The following PLXNA2 variants were observed in gnomAD, a reference collection of about 807,000 sequenced individuals.
PLXNA2 encodes the protein plexin-A2.
PLXNA2 carries 91 observed loss-of-function variants against 193.5 expected under a neutral mutation model. That is an observed-to-expected ratio of 0.47 (90% CI 0.40 to 0.56). PLXNA2 has a LOEUF of 0.56. Ranked by LOEUF, PLXNA2 falls within the 20% of genes least tolerant of loss-of-function variation. The pLI is 0.00. For synonymous variants in PLXNA2, 997 were observed against 1,027.3 expected, an observed-to-expected ratio of 0.97 and a Z score of 0.56; for missense variants, 1,995 against 2,503.2, an observed-to-expected ratio of 0.80 and a Z score of 4.33.
rs557263373 is a variant in PLXNA2 at position 208,181,668 on chromosome 1, T to A, written c.1371+28612A>T. Among the ~76,000 whole-genome samples the A allele has an allele frequency of 6.6e-5, 10 of 152,192 alleles. No individual in the cohort carries two copies. In the East Asian group the frequency reaches 1.6e-3, roughly 24 times the overall value. ...AGTCAGAGAGGGGCTGGGAGGGGAA[T>A]CTCACCCCTGCTCTCTGGCAAAACC... is the stretch of plus-strand genomic sequence containing the variant. On this transcript the variant is annotated intron_variant, in intron 3 of 31. Transcript: ENST00000367033.
At chr1:208,039,378 A>G (rs1255498797) in intron 24 of PLXNA2, among the ~76,000 whole-genome samples, 31 of 151,360 alleles carry the variant, frequency 2.0e-4, no homozygotes, top group Admixed American at 2.0e-3. Context: ...CCCAATAACT[A>G]ATGATGGGTG....
chr1:208,210,542 C>T, intron 2 of PLXNA2, 80 bp from the exon 3 acceptor site: 3 of 1,303,626 alleles, frequency 2.3e-6, no homozygotes, highest in Admixed American at 4.6e-5. Context: ...TCCACAACTT[C>T]CAGCCTTAGG....
At chr1:208,147,841 C>T (rs1174360578) in intron 3 of PLXNA2, among the ~76,000 whole-genome samples, 1 of 152,168 alleles carries the variant, frequency 6.6e-6, no homozygotes, top group East Asian at 1.9e-4. Flanking sequence ...ACTCTTCCCC[C>T]TTTAGGATCC....
chr1:208,223,621 C>T (rs1216463246), intron 1 of PLXNA2, among the ~76,000 whole-genome samples: 1 of 152,184 alleles, frequency 6.6e-6, no homozygotes, highest in Non-Finnish European at 1.5e-5. Context: ...CTTCTAGGCC[C>T]AGGCAGGCCC....
chr1:208,095,858 T>C (rs1288945426), intron 8 of PLXNA2, among the ~76,000 whole-genome samples, 171 bp downstream of exon 8: 1 of 152,148 alleles, frequency 6.6e-6, no homozygotes, highest in Non-Finnish European at 1.5e-5. Flanking sequence ...TGGTTTAATA[T>C]GGTAGTATTT....
At chr1:208,115,666 T>C (rs1271101235) in intron 4 of PLXNA2, among the ~76,000 whole-genome samples, 1 of 152,192 alleles carries the variant, frequency 6.6e-6, no homozygotes, top group African/African-American at 2.4e-5. Context: ...ACAGTCTGTG[T>C]AGACATTAAG....
chr1:208,057,214 G>C (rs909719860), intron 13 of PLXNA2, among the ~76,000 whole-genome samples: 11 of 152,156 alleles, frequency 7.2e-5, no homozygotes, highest in African/African-American at 2.7e-4. Flanking sequence ...CTACAGAGCG[G>C]GTCTTATCTC....
intron 3 of PLXNA2, among the ~76,000 whole-genome samples, chr1:208,173,024 T>C (rs1181778077): frequency 1.3e-5 from 2 of 152,172 alleles, no homozygotes; most frequent in Non-Finnish European, 2.9e-5. Flanking sequence ...AGAGGCAGTG[T>C]TGGGTAGTGA....
chr1:208,124,291 G>A (rs1667893619), intron 4 of PLXNA2, among the ~76,000 whole-genome samples: 1 of 152,160 alleles, frequency 6.6e-6, no homozygotes, highest in Admixed American at 6.5e-5. Flanking sequence ...CCTGGGTGAT[G>A]AAATAATCTG....
intron 31 of PLXNA2, among the ~76,000 whole-genome samples, chr1:208,027,670 C>T (rs548821322): frequency 6.6e-6 from 1 of 152,310 alleles, no homozygotes; most frequent in East Asian, 1.9e-4. Flanking sequence ...TATTAGGGTC[C>T]ACCTGTCTAT....
At chr1:208,235,263 T>C (rs917782806) in intron 1 of PLXNA2, among the ~76,000 whole-genome samples, 1 of 152,252 alleles carries the variant, frequency 6.6e-6, no homozygotes, top group Admixed American at 6.5e-5. Flanking sequence ...TTCAGCCCTT[T>C]ATTCTTTAGC....
At chr1:208,170,969 TG>T (rs1442319734) in intron 3 of PLXNA2, among the ~76,000 whole-genome samples, 1 of 152,128 alleles carries the variant, frequency 6.6e-6, no homozygotes, top group Non-Finnish European at 1.5e-5. Context: ...TTATAGAGGA[TG>T]GTCTTGCAGG....
chr1:208,146,230 C>G (rs919340842), intron 3 of PLXNA2, among the ~76,000 whole-genome samples: 7 of 152,212 alleles, frequency 4.6e-5, no homozygotes, highest in Non-Finnish European at 8.8e-5. Context: ...CATTCTGACT[C>G]TGTTCTTCCC....
chr1:208,029,605 TC>T, intron 29 of PLXNA2: 1 of 989,312 alleles, frequency 1.0e-6, no homozygotes. Context: ...TTCATGACTC[TC>T]CCCAGGGCGT....
At chr1:208,054,583 G>C (rs373556707) in intron 13 of PLXNA2, 45 bp from the exon 14 acceptor site, 4 of 1,345,128 alleles carry the variant, frequency 3.0e-6, no homozygotes, top group East Asian at 2.3e-5. Context: ...GGCAAGGGCT[G>C]GCATCGCTGT....
chr1:208,231,882 A>T (rs1671702415), intron 1 of PLXNA2, among the ~76,000 whole-genome samples: 1 of 152,206 alleles, frequency 6.6e-6, no homozygotes, highest in Non-Finnish European at 1.5e-5. Flanking sequence ...ACCAACTGAT[A>T]TATCTTGGAA....
intron 3 of PLXNA2, among the ~76,000 whole-genome samples, chr1:208,198,030 A>G (rs1002971613): frequency 2.0e-5 from 3 of 152,216 alleles, no homozygotes; most frequent in Non-Finnish European, 4.4e-5. Context: ...GACACGCCAC[A>G]TCGGAGTGCT....
chr1:208,155,268 G>A (rs1668903655), intron 3 of PLXNA2, among the ~76,000 whole-genome samples: 1 of 152,158 alleles, frequency 6.6e-6, no homozygotes, highest in South Asian at 2.1e-4. Context: ...TGGGCCGAAG[G>A]GATGGCAGCC....
intron 12 of PLXNA2, among the ~76,000 whole-genome samples, chr1:208,066,586 T>C (rs1465996479): frequency 2.0e-5 from 3 of 152,326 alleles, no homozygotes; most frequent in African/African-American, 7.2e-5. Flanking sequence ...TTGATAATGA[T>C]GCTAAATGAC....
Sources: allele counts gnomAD v4.1 joint callset (sites outside exome capture counted in the v4.1 genomes callset), GRCh38; gene constraint gnomAD v4.1.1; transcripts MANE v1.5; gene names NCBI Gene and HGNC (gene_info 2026-07-23, HGNC 2026-07-21).